CPNE8: variants seen among roughly 807,000 people sequenced by gnomAD.
CPNE8 encodes the protein copine-8.
In CPNE8, 45 loss-of-function variants were observed where a neutral mutation model predicts 81.5. That is an observed-to-expected ratio of 0.55 (90% confidence interval 0.44 to 0.71). CPNE8 has a LOEUF of 0.71. Among genes scored for constraint, CPNE8 ranks in the 30% least tolerant of loss-of-function variants. The pLI is 0.00. For missense variants in CPNE8, 594 were observed against 672.1 expected (o/e 0.88, Z 1.28); for synonymous variants, 252 against 226.3 (o/e 1.11, Z -1.02).
chr12:38,790,328 T>G (rs1416584906), intron 6 of CPNE8, among the ~76,000 whole-genome samples: 1 of 151,766 alleles, frequency 6.6e-6, no homozygotes. Context: ...GTAAGTAAAG[T>G]AAGCCAGGCA....
intron 13 of CPNE8, among the ~76,000 whole-genome samples, chr12:38,723,051 C>A (rs999548360): frequency 1.3e-5 from 2 of 152,180 alleles, no homozygotes; most frequent in Admixed American, 6.5e-5. Context: ...ACATGAGGAA[C>A]TGTGAGTCAA....
chr12:38,824,373 T>C (rs1357636248), intron 6 of CPNE8, among the ~76,000 whole-genome samples: 6 of 152,078 alleles, frequency 3.9e-5, no homozygotes, highest in Non-Finnish European at 8.8e-5. Flanking sequence ...CCTAACTTCG[T>C]TGTCAAAAGT....
chr12:38,806,947 C>T (rs10876116), intron 6 of CPNE8, among the ~76,000 whole-genome samples: 120,000 of 148,824 alleles, frequency 0.81, 50,616 homozygotes, highest in Non-Finnish European at 0.92. Context: ...AGCATTCTTA[C>T]ACACCAACAA....
chr12:38,814,072 G>T (rs532324196), intron 6 of CPNE8, among the ~76,000 whole-genome samples: 1 of 152,210 alleles, frequency 6.6e-6, no homozygotes, highest in South Asian at 2.1e-4. Context: ...AAAGAATGGA[G>T]GGGGAGCTGC....
chr12:38,779,294 C>T (rs910366167), intron 6 of CPNE8, among the ~76,000 whole-genome samples: 3 of 152,182 alleles, frequency 2.0e-5, no homozygotes, highest in Admixed American at 2.0e-4. Flanking sequence ...TCTTAGGCTT[C>T]TGATTTTTAT....
At chr12:38,672,253 C>T (rs991351103) in intron 18 of CPNE8, among the ~76,000 whole-genome samples, 3 of 152,138 alleles carry the variant, frequency 2.0e-5, no homozygotes, top group African/African-American at 7.2e-5. Context: ...CCCCATTGGT[C>T]TTTGTGTTTC....
intron 10 of CPNE8, among the ~76,000 whole-genome samples, chr12:38,738,396 T>C (rs1225271501): frequency 6.6e-6 from 1 of 152,184 alleles, no homozygotes; most frequent in Non-Finnish European, 1.5e-5. Context: ...AGAGACAATT[T>C]AGATAATTCA....
chr12:38,850,409 A>G (rs1036224215), intron 3 of CPNE8, among the ~76,000 whole-genome samples: 2 of 152,174 alleles, frequency 1.3e-5, no homozygotes, highest in Admixed American at 1.3e-4. Context: ...AGAGCCTATT[A>G]GCCCTTAAAA....
At chr12:38,793,746 G>A (rs377550546) in intron 6 of CPNE8, among the ~76,000 whole-genome samples, 28 of 151,782 alleles carry the variant, frequency 1.8e-4, no homozygotes, top group African/African-American at 5.6e-4. Context: ...ATAGAACCTC[G>A]AGGGACTCCA....
intron 10 of CPNE8, among the ~76,000 whole-genome samples, chr12:38,755,512 A>G (rs1184675193): frequency 6.6e-6 from 1 of 152,120 alleles, no homozygotes. Flanking sequence ...TTGCTTTTCA[A>G]CCAGCACAAG....
chr12:38,813,984 C>A (rs1476009516), intron 6 of CPNE8, among the ~76,000 whole-genome samples: 1 of 151,946 alleles, frequency 6.6e-6, no homozygotes, highest in Admixed American at 6.6e-5. Context: ...AGGTATGCCA[C>A]TGGAGTGGAA....
chr12:38,817,934 T>C lies in CPNE8; in HGVS notation c.407+11445A>G, dbSNP rs944274194. 2.0e-5 allele frequency among the ~76,000 whole-genome samples: 3 copies of C among 152,056 alleles called. No individual in the cohort carries two copies. The East Asian group carries it at 5.8e-4, about 29-fold the overall frequency. On this transcript the variant is annotated intron_variant, in intron 6 of 19. Coordinates refer to ENST00000331366, the MANE Select transcript of CPNE8 (RefSeq NM_153634.3). Reference sequence around the variant, plus strand: ...CACTGCGCCTGGCCAATTTATTCATTTTTTTGAAGGCAATATAATGCTGTG... The same window carrying C: ...CACTGCGCCTGGCCAATTTATTCATCTTTTTGAAGGCAATATAATGCTGTG...
intron 6 of CPNE8, among the ~76,000 whole-genome samples, chr12:38,813,383 A>AG (rs1186078559): frequency 1.3e-5 from 2 of 152,188 alleles, no homozygotes; most frequent in Non-Finnish European, 2.9e-5. Flanking sequence ...AGAATGATAG[A>AG]GGGGAAAAAA....
At chr12:38,686,330 A>T (rs974711361) in intron 15 of CPNE8, among the ~76,000 whole-genome samples, 1 of 152,204 alleles carries the variant, frequency 6.6e-6, no homozygotes. Context: ...AGAAGCTCTT[A>T]TTCTGGGAAC....
At chr12:38,848,994 C>A (rs1357334784) in intron 3 of CPNE8, among the ~76,000 whole-genome samples, 1 of 152,050 alleles carries the variant, frequency 6.6e-6, no homozygotes, top group Non-Finnish European at 1.5e-5. Context: ...TTTTCCTAAC[C>A]TTGTATATAA....
chr12:38,883,985 G>A (rs1313426136), intron 1 of CPNE8, among the ~76,000 whole-genome samples: 1 of 152,172 alleles, frequency 6.6e-6, no homozygotes, highest in Non-Finnish European at 1.5e-5. Flanking sequence ...GTTCACTTGA[G>A]CAATATTTCT....
intron 6 of CPNE8, among the ~76,000 whole-genome samples, chr12:38,819,860 T>G (rs955505043): frequency 6.6e-6 from 1 of 150,998 alleles, no homozygotes; most frequent in Admixed American, 6.6e-5. Context: ...CAGACCAAGA[T>G]AAGTGTGATG....
intron 19 of CPNE8, among the ~76,000 whole-genome samples, chr12:38,657,833 C>T (rs1938857567): frequency 6.6e-6 from 1 of 152,168 alleles, no homozygotes; most frequent in African/African-American, 2.4e-5. Context: ...AACTAACAAA[C>T]AGAAAGCAGT....
chr12:38,686,493 C>A (rs1353199818), intron 15 of CPNE8, among the ~76,000 whole-genome samples: 1 of 152,190 alleles, frequency 6.6e-6, no homozygotes, highest in Admixed American at 6.5e-5. Flanking sequence ...ACAAATAACA[C>A]AAGACCATGT....
Sources: allele counts gnomAD v4.1 joint callset (sites outside exome capture counted in the v4.1 genomes callset), GRCh38; gene constraint gnomAD v4.1.1; transcripts MANE v1.5; gene names NCBI Gene and HGNC (gene_info 2026-07-23, HGNC 2026-07-21).